LRRIQ1: variants seen among roughly 807,000 people sequenced by gnomAD.
LRRIQ1 encodes leucine rich repeats and IQ motif containing 1.
LRRIQ1 carries 210 observed loss-of-function variants against 211.9 expected under a neutral mutation model. The ratio of observed to expected loss-of-function variants is 0.99; its 90% CI spans 0.89 to 1.11. LRRIQ1 has a LOEUF of 1.11. Among genes scored for constraint, LRRIQ1 ranks in the 50% most tolerant of loss-of-function variants. The pLI, the probability that LRRIQ1 is intolerant of heterozygous loss-of-function variation, is 0.00. For synonymous variants in LRRIQ1, 699 were observed against 650.1 expected (o/e 1.08, Z -1.14); for missense variants, 2,136 against 1,939.5 (o/e 1.10, Z -1.90).
At chr12:85,069,994 T>G (rs1177217427) in intron 10 of LRRIQ1, among the ~76,000 whole-genome samples, 3 of 152,112 alleles carry the variant, frequency 2.0e-5, no homozygotes, top group Admixed American at 2.0e-4. Flanking sequence ...TTTTGGTGTT[T>G]TAGACATGAA....
chr12:85,098,607 A>T, intron 12 of LRRIQ1, 59 bp downstream of exon 12: 1 of 1,395,868 alleles, frequency 7.2e-7, no homozygotes. Context: ...TTTGATAGAA[A>T]TACCAATCAC....
chr12:85,143,957 T>C (rs1159736106), intron 19 of LRRIQ1, among the ~76,000 whole-genome samples: 1 of 151,592 alleles, frequency 6.6e-6, no homozygotes, highest in East Asian at 1.9e-4. Flanking sequence ...TGTGCAGCTT[T>C]GCTATATAGG....
At chr12:85,057,224 A>T in intron 8 of LRRIQ1, 40 bp downstream of exon 8, 1 of 1,271,332 alleles carries the variant, frequency 7.9e-7, no homozygotes, top group Non-Finnish European at 1.1e-6. Flanking sequence ...ATTTAATTAC[A>T]ATTAGCTCTT....
chr12:85,128,790 C>T (rs1433089324), intron 18 of LRRIQ1, among the ~76,000 whole-genome samples: 1 of 152,254 alleles, frequency 6.6e-6, no homozygotes, highest in East Asian at 1.9e-4. Context: ...ATAGACTTGA[C>T]TCAATCTCAC....
Position 85,043,896 on chromosome 12 carries a change from T to G in LRRIQ1, c.245-822T>G, listed in dbSNP as rs370019698. Among the ~76,000 whole-genome samples the G allele has an allele frequency of 9.9e-5, 15 of 152,146 alleles. No individual in the cohort carries two copies. In the South Asian group the frequency reaches 2.9e-3, roughly 29 times the overall value. The stretch of plus-strand genomic sequence containing the variant: ...ATTCTGGCTCATAGAAATTAAAACA[T>G]CATCACCTGCCTCCCTTTATACATA... On this transcript the variant is annotated intron_variant, in intron 3 of 26. Coordinates refer to ENST00000393217, the MANE Select transcript of LRRIQ1 (RefSeq NM_001079910.2).
intron 24 of LRRIQ1, among the ~76,000 whole-genome samples, chr12:85,166,811 G>A (rs1479850557): frequency 6.6e-6 from 1 of 152,136 alleles, no homozygotes; most frequent in Non-Finnish European, 1.5e-5. Context: ...AAATTATCAT[G>A]GATGCAAAGA....
intron 11 of LRRIQ1, among the ~76,000 whole-genome samples, chr12:85,095,674 A>G (rs1592786403): frequency 6.6e-6 from 1 of 151,382 alleles, no homozygotes; most frequent in African/African-American, 2.4e-5. Context: ...GGGAGTCCCT[A>G]CTCCTCACAT....
intron 15 of LRRIQ1, among the ~76,000 whole-genome samples, chr12:85,116,052 A>G (rs1337607915): frequency 6.6e-6 from 1 of 152,202 alleles, no homozygotes; most frequent in Non-Finnish European, 1.5e-5. Context: ...ACAAGTGGAA[A>G]TGTTAACCGG....
At chr12:85,190,558 C>T (rs1343628488) in intron 24 of LRRIQ1, among the ~76,000 whole-genome samples, 1 of 148,706 alleles carries the variant, frequency 6.7e-6, no homozygotes, top group Admixed American at 6.8e-5. Context: ...AATACATATG[C>T]TATTATAAGG....
intron 13 of LRRIQ1, among the ~76,000 whole-genome samples, chr12:85,103,227 A>G (rs1886521001): frequency 6.6e-6 from 1 of 150,790 alleles, no homozygotes; most frequent in Non-Finnish European, 1.5e-5. Context: ...TATAACTTAG[A>G]AGACAATAAA....
At chr12:85,240,735 G>A (rs952141425) in intron 26 of LRRIQ1, among the ~76,000 whole-genome samples, 14 of 152,050 alleles carry the variant, frequency 9.2e-5, no homozygotes, top group Non-Finnish European at 1.9e-4. Flanking sequence ...AGAACATTAT[G>A]TTGAGTTAAA....
At chr12:85,213,383 A>G (rs1592978783) in intron 24 of LRRIQ1, among the ~76,000 whole-genome samples, 2 of 152,014 alleles carry the variant, frequency 1.3e-5, no homozygotes, top group Admixed American at 6.6e-5. Flanking sequence ...TTCCACAACT[A>G]TATTGGATGA....
intron 1 of LRRIQ1, among the ~76,000 whole-genome samples, chr12:85,261,172 T>C (rs1041270596): frequency 3.3e-5 from 5 of 152,184 alleles, no homozygotes; most frequent in African/African-American, 1.2e-4. Context: ...TCTGTAGACA[T>C]GAGCATTAGT....
At chr12:85,208,903 A>T (rs1893697677) in intron 24 of LRRIQ1, among the ~76,000 whole-genome samples, 1 of 152,050 alleles carries the variant, frequency 6.6e-6, no homozygotes, top group African/African-American at 2.4e-5. Context: ...GACTTAAGAA[A>T]TTTTTTCTGT....
chr12:85,202,373 G>A (rs1893340911), intron 24 of LRRIQ1, among the ~76,000 whole-genome samples: 1 of 152,118 alleles, frequency 6.6e-6, no homozygotes, highest in Non-Finnish European at 1.5e-5. Flanking sequence ...ATCTAATATT[G>A]TCAGTGGTGT....
At chr12:85,262,954 C>A in exon 2 of LRRIQ1, 1 of 986,712 alleles carries the variant, frequency 1.0e-6, no homozygotes, top group Non-Finnish European at 1.2e-6. Context: ...CCAATAATAA[C>A]AAATACAAGA....
chr12:85,069,413 G>A (rs1188748127), intron 10 of LRRIQ1, among the ~76,000 whole-genome samples: 2 of 152,046 alleles, frequency 1.3e-5, no homozygotes, highest in African/African-American at 2.4e-5. Context: ...ATGTGCATGT[G>A]TCTTTATAAC....
chr12:85,134,234 G>A (rs896602553), intron 18 of LRRIQ1, among the ~76,000 whole-genome samples: 4 of 152,038 alleles, frequency 2.6e-5, no homozygotes, highest in African/African-American at 4.8e-5. Context: ...TATTTAGGTT[G>A]GTGGCTCATA....
chr12:85,078,158 G>A (rs896629855), intron 11 of LRRIQ1, among the ~76,000 whole-genome samples: 4 of 151,836 alleles, frequency 2.6e-5, no homozygotes, highest in African/African-American at 9.7e-5. Flanking sequence ...CTCCTTTAAT[G>A]TTTGACTCAA....
Sources: gnomAD v4.1 joint callset for allele counts (sites outside exome capture counted in the v4.1 genomes callset) on GRCh38, gnomAD v4.1.1 for gene constraint, MANE v1.5 for transcripts, NCBI Gene and HGNC (gene_info 2026-07-23, HGNC 2026-07-21) for gene names.